The following SGCZ variants were observed in gnomAD, a reference collection of about 807,000 sequenced individuals.
SGCZ encodes sarcoglycan zeta, also known as zeta-sarcoglycan.
In SGCZ, 40 loss-of-function variants were observed where a neutral mutation model predicts 41.3. That is an observed-to-expected ratio of 0.97 (90% CI 0.75 to 1.26). The LOEUF (loss-of-function observed/expected upper bound fraction) is 1.26, where lower values mean the gene tolerates loss of function less well. Ranked by LOEUF, SGCZ falls within the 50% of genes most tolerant of loss-of-function variation. SGCZ has a pLI of 0.00. For synonymous variants in SGCZ, 206 were observed against 137.5 expected, an observed-to-expected ratio of 1.50 and a Z score of -3.49; for missense variants, 552 against 369.8, an observed-to-expected ratio of 1.49 and a Z score of -4.04.
intron 1 of SGCZ, among the ~76,000 whole-genome samples, chr8:14,788,900 CAGGAGTTTGACACCAGCCTGGGCAATAT>C (rs1800857071): frequency 6.6e-6 from 1 of 152,062 alleles, no homozygotes; most frequent in South Asian, 2.1e-4. Context: ...TGCTCGGGGC[CAGGAGTTTGACACCAGCCTGGGCAATAT>C]AGCTAGACTC....
At chr8:14,360,739 T>A (rs1362999946) in intron 2 of SGCZ, among the ~76,000 whole-genome samples, 1 of 152,220 alleles carries the variant, frequency 6.6e-6, no homozygotes, top group Non-Finnish European at 1.5e-5. Context: ...GTTTTAGCTA[T>A]TATGAATAAA....
chr8:14,218,862 G>C (rs1461056432), intron 4 of SGCZ, among the ~76,000 whole-genome samples: 1 of 152,252 alleles, frequency 6.6e-6, no homozygotes, highest in African/African-American at 2.4e-5. Context: ...GAACCTTGGC[G>C]ATGAGGACTT....
chr8:15,145,653 CTA>C (rs1799016428), intron 1 of SGCZ, among the ~76,000 whole-genome samples: 2 of 152,036 alleles, frequency 1.3e-5, no homozygotes, highest in African/African-American at 2.4e-5. Flanking sequence ...CAAGGTCTTA[CTA>C]TGTTTCCGAG....
intron 1 of SGCZ, among the ~76,000 whole-genome samples, chr8:14,973,286 G>C (rs1385887882): frequency 6.6e-6 from 1 of 152,026 alleles, no homozygotes; most frequent in African/African-American, 2.4e-5. Flanking sequence ...CCCAGTCTTT[G>C]GCTGGGTGGG....
intron 3 of SGCZ, among the ~76,000 whole-genome samples, chr8:14,246,868 C>T (rs1457939119): frequency 1.4e-5 from 2 of 145,474 alleles, no homozygotes; most frequent in Admixed American, 7.0e-5. Flanking sequence ...CGAGATCGCG[C>T]CACTGCACTC....
At chr8:15,145,811 C>T (rs1252632440) in intron 1 of SGCZ, among the ~76,000 whole-genome samples, 1 of 152,084 alleles carries the variant, frequency 6.6e-6, no homozygotes. Context: ...GATGTGAAGA[C>T]TAGGTAAAAG....
At chr8:14,434,688 T>C (rs549855103) in intron 2 of SGCZ, among the ~76,000 whole-genome samples, 54 of 152,264 alleles carry the variant, frequency 3.5e-4, no homozygotes, top group African/African-American at 1.3e-3. Flanking sequence ...TTTACCTCCT[T>C]GGCTAGGTAT....
intron 3 of SGCZ, among the ~76,000 whole-genome samples, chr8:14,246,068 A>G (rs1799076745): frequency 6.6e-6 from 1 of 152,176 alleles, no homozygotes; most frequent in Admixed American, 6.5e-5. Context: ...AACTAGAAAT[A>G]CCATTTGACC....
chr8:15,008,034 T>C (rs1022818156), intron 1 of SGCZ, among the ~76,000 whole-genome samples: 2 of 152,202 alleles, frequency 1.3e-5, no homozygotes, highest in African/African-American at 4.8e-5. Flanking sequence ...TGTTGTCTTT[T>C]TCTCTGTATT....
At chr8:14,374,268 C>G (rs1005358606) in intron 2 of SGCZ, among the ~76,000 whole-genome samples, 4 of 152,068 alleles carry the variant, frequency 2.6e-5, no homozygotes, top group African/African-American at 4.8e-5. Context: ...AGTCCCAACT[C>G]TTCAGGAGGC....
chr8:14,339,210 T>C (rs1802612075), intron 2 of SGCZ, among the ~76,000 whole-genome samples: 1 of 152,180 alleles, frequency 6.6e-6, no homozygotes, highest in African/African-American at 2.4e-5. Flanking sequence ...TTCCTTAAAG[T>C]ATTTGTAAAC....
chr8:14,947,122 T>C (rs540309818), intron 1 of SGCZ, among the ~76,000 whole-genome samples: 1 of 152,162 alleles, frequency 6.6e-6, no homozygotes, highest in Non-Finnish European at 1.5e-5. Flanking sequence ...AATCCAACTT[T>C]GAAAAGCAAC....
chr8:14,170,103 T>G (rs1377197813), intron 4 of SGCZ, among the ~76,000 whole-genome samples: 1 of 152,050 alleles, frequency 6.6e-6, no homozygotes, highest in African/African-American at 2.4e-5. Context: ...TTTTCATATA[T>G]TATTCTCTGT....
Position 14,767,044 on chromosome 8 carries a change from T to C in SGCZ, c.40-212118A>G, listed in dbSNP as rs544301136. The stretch of plus-strand genomic sequence containing the variant: ...TAACAGTTAGATGTCTACACAATTA[T>C]ATAAATTTTATCATCTGGTGTTTTA... On this transcript the variant is annotated intron_variant, in intron 1 of 7. Transcript: ENST00000382080. Among the ~76,000 whole-genome samples, 5 of 145,808 alleles carry C rather than the reference T, an allele frequency of 3.4e-5. No homozygotes were observed. The South Asian group carries it at 1.2e-3, about 34-fold the overall frequency.
At chr8:14,410,193 G>A (rs35884913) in intron 2 of SGCZ, among the ~76,000 whole-genome samples, 20,458 of 152,052 alleles carry the variant, frequency 0.13, 3,019 homozygotes, top group African/African-American at 0.37. Context: ...GATCTGAGGT[G>A]GAACATTTAT....
intron 1 of SGCZ, among the ~76,000 whole-genome samples, chr8:14,911,169 G>C (rs1195399136): frequency 3.3e-5 from 5 of 152,044 alleles, no homozygotes; most frequent in African/African-American, 1.2e-4. Flanking sequence ...AGAGTAAGCA[G>C]ATAATGGCTG....
chr8:14,785,392 C>A (rs1422972023), intron 1 of SGCZ, among the ~76,000 whole-genome samples: 1 of 152,032 alleles, frequency 6.6e-6, no homozygotes. Flanking sequence ...CAAGGAAACT[C>A]TGAAATCTGT....
At chr8:15,022,340 T>TTTTA (rs1397662798) in intron 1 of SGCZ, among the ~76,000 whole-genome samples, 8 of 152,054 alleles carry the variant, frequency 5.3e-5, no homozygotes, top group Non-Finnish European at 1.2e-4. Flanking sequence ...TTTTTTTTAA[T>TTTTA]TTTATTTATT....
chr8:14,710,210 CA>C (rs35705497), intron 1 of SGCZ, among the ~76,000 whole-genome samples: 48,756 of 147,042 alleles, frequency 0.33, 8,329 homozygotes, highest in African/African-American at 0.45. Flanking sequence ...CTAAAAAAAA[CA>C]AAAAAAAAAT....
Sources: gnomAD v4.1 joint callset for allele counts (sites outside exome capture counted in the v4.1 genomes callset) on GRCh38, gnomAD v4.1.1 for gene constraint, MANE v1.5 for transcripts, NCBI Gene and HGNC (gene_info 2026-07-23, HGNC 2026-07-21) for gene names.